UACA: variants seen among roughly 807,000 people sequenced by gnomAD.
UACA encodes uveal autoantigen with coiled-coil domains and ankyrin repeats.
In UACA, 112 loss-of-function variants were observed where a neutral mutation model predicts 160.5. The ratio of observed to expected loss-of-function variants is 0.70; its 90% CI spans 0.60 to 0.82. The LOEUF (loss-of-function observed/expected upper bound fraction) is 0.82. Among genes scored for constraint, UACA ranks in the 40% least tolerant of loss-of-function variants. The pLI is 0.00. For synonymous variants in UACA, 557 were observed against 568.4 expected (o/e 0.98, Z 0.29); for missense variants, 1,574 against 1,614.6 (o/e 0.97, Z 0.43).
At chr15:70,700,316 T>TACACACACACAC (rs1445933630) in intron 1 of UACA, among the ~76,000 whole-genome samples, 100 of 142,644 alleles carry the variant, frequency 7.0e-4, no homozygotes, top group African/African-American at 2.8e-3. Context: ...TATATATATA[T>TACACACACACAC]ATACACACAC....
chr15:70,674,514 A>G (rs1167995984), intron 13 of UACA, among the ~76,000 whole-genome samples: 1 of 152,234 alleles, frequency 6.6e-6, no homozygotes, highest in African/African-American at 2.4e-5. Context: ...TATTTTTATA[A>G]GAAAAATAAG....
chr15:70,772,981 C>T, the UACA span, among the ~76,000 whole-genome samples: 6 of 150,626 alleles, frequency 4.0e-5, no homozygotes, highest in Admixed American at 2.0e-4. Flanking sequence ...CCCAGCTACT[C>T]GGAACGCTGA....
rs1896922607 is a variant in UACA, at chr15:70,666,770, C to T, written c.3914G>A (p.Arg1305Lys). 1 of 1,609,724 alleles carries T rather than the reference C, an allele frequency of 6.2e-7. No homozygotes were observed. The highest frequency in any genetic ancestry group is 2.2e-5 in the East Asian group (1 of 44,840). ...TTGTTTAGCAGATTCTTGTATTCTT[C>T]TTTGTAACTCTGTGATTGTTGTTAA... Reference protein sequence around the residue: ...KSLTTITELQRRIQESAKQIE... With the variant: ...KSLTTITELQKRIQESAKQIE... Residue 1305 changes from arginine (R) to lysine (K), a missense_variant, in exon 16 of 19, where the codon AGA (arginine) becomes AAA (lysine). By Grantham distance (26) the Arg-to-Lys change is conservative. Coordinates refer to ENST00000322954, the MANE Select transcript of UACA (RefSeq NM_018003.4).
intron 1 of UACA, among the ~76,000 whole-genome samples, chr15:70,703,766 C>T (rs1431255786): frequency 6.6e-6 from 1 of 152,212 alleles, no homozygotes; most frequent in African/African-American, 2.4e-5. Context: ...CCTCCCCAGC[C>T]TCTGTGGCTT....
chr15:70,676,384 C>A, intron 13 of UACA, 109 bp downstream of exon 13: 1 of 833,898 alleles, frequency 1.2e-6, no homozygotes, highest in African/African-American at 1.7e-5. Context: ...AATAAGCAGC[C>A]CAAGGTCACA....
intron 1 of UACA, among the ~76,000 whole-genome samples, chr15:70,727,241 C>T (rs369368529): frequency 2.0e-5 from 3 of 152,152 alleles, no homozygotes; most frequent in East Asian, 1.9e-4. Context: ...CATTCCTCTT[C>T]CCTGGCATAT....
At chr15:70,696,502 G>A (rs1239061021) in intron 2 of UACA, among the ~76,000 whole-genome samples, 6 of 152,106 alleles carry the variant, frequency 3.9e-5, no homozygotes, top group Non-Finnish European at 8.8e-5. Flanking sequence ...TCAGTCTTGC[G>A]ACGCTATTAG....
At chr15:70,725,721 G>A (rs1045946926) in intron 1 of UACA, among the ~76,000 whole-genome samples, 1 of 152,126 alleles carries the variant, frequency 6.6e-6, no homozygotes, top group Non-Finnish European at 1.5e-5. Flanking sequence ...CAAGAGTGGG[G>A]ATACAAATGT....
intron 13 of UACA, among the ~76,000 whole-genome samples, chr15:70,674,941 G>T (rs1037763957): frequency 6.6e-6 from 1 of 152,128 alleles, no homozygotes; most frequent in African/African-American, 2.4e-5. Context: ...GCTCCTAGAA[G>T]AAATACATAC....
At chr15:70,699,709 G>C in intron 1 of UACA, 49 bp from the exon 2 acceptor site, 1 of 1,583,690 alleles carries the variant, frequency 6.3e-7, no homozygotes, top group Non-Finnish European at 8.6e-7. Context: ...CATTAGTTAA[G>C]ATTTTTCTAA....
intron 9 of UACA, among the ~76,000 whole-genome samples, chr15:70,680,499 G>A (rs1221654264): frequency 6.6e-6 from 1 of 152,032 alleles, no homozygotes; most frequent in Admixed American, 6.6e-5. Context: ...AAATGAGTTT[G>A]GATCTAGAAC....
intron 1 of UACA, among the ~76,000 whole-genome samples, chr15:70,701,235 T>C (rs1898350670): frequency 6.6e-6 from 1 of 152,190 alleles, no homozygotes; most frequent in South Asian, 2.1e-4. Context: ...CTGCCAACTA[T>C]GAGTACAGAA....
At chr15:70,683,459 C>G (rs138738748) in intron 8 of UACA, among the ~76,000 whole-genome samples, 50 of 152,236 alleles carry the variant, frequency 3.3e-4, no homozygotes, top group African/African-American at 1.2e-3. Context: ...CCCTGAAACT[C>G]AGTGATTCAA....
Position 70,654,604 on chromosome 15 carries a change from C to G in UACA, c.*2452G>C, listed in dbSNP as rs1175446538. The G allele has an allele frequency of 6.6e-6, 1 of 151,910 alleles. No homozygotes were observed. Among genetic ancestry groups the G allele is most frequent in the African/African-American group, 2.4e-5 (1 of 41,340 alleles). 9.4% of individuals were successfully genotyped at this position (151,910 alleles called of 1,614,324 possible). On this transcript the variant is annotated 3_prime_UTR_variant, in exon 19 of 19. Coordinates refer to ENST00000322954, the MANE Select transcript of UACA (RefSeq NM_018003.4). The stretch of plus-strand genomic sequence containing the variant: ...TTTCAAAAGACAATTATTTATAACA[C>G]TGACCCTCTATCAAAAAGAATATGC...
intron 15 of UACA, among the ~76,000 whole-genome samples, chr15:70,670,434 C>A (rs748746883): frequency 2.2e-4 from 33 of 152,270 alleles, no homozygotes; most frequent in Admixed American, 8.5e-4. Context: ...GTACTGGGAT[C>A]TCTCAAGCCG....
the UACA span, among the ~76,000 whole-genome samples, chr15:70,769,390 A>T: frequency 2.0e-5 from 3 of 150,400 alleles, no homozygotes; most frequent in Non-Finnish European, 4.4e-5. Context: ...TGTACTTGGG[A>T]AATGACCCGA....
intron 1 of UACA, among the ~76,000 whole-genome samples, chr15:70,749,698 CAAAAAA>C (rs11292883): frequency 0.038 from 2,673 of 70,106 alleles, 126 homozygotes; most frequent in African/African-American, 0.13. Context: ...GACTCCGTCT[CAAAAAA>C]AAAAAAAAAA....
At chr15:70,671,263 A>G in intron 14 of UACA, 172 bp from the exon 15 acceptor site, 1 of 470,092 alleles carries the variant, frequency 2.1e-6, no homozygotes, top group Non-Finnish European at 3.8e-6. Context: ...TTCTATAAAC[A>G]GAAGTACCTA....
At chr15:70,704,979 T>C (rs147548598) in intron 1 of UACA, among the ~76,000 whole-genome samples, 2 of 152,288 alleles carry the variant, frequency 1.3e-5, no homozygotes, top group South Asian at 2.1e-4. Context: ...GGTTACAGGA[T>C]GGCGTTTGTC....
Sources: allele counts gnomAD v4.1 joint callset (sites outside exome capture counted in the v4.1 genomes callset), GRCh38; gene constraint gnomAD v4.1.1; transcripts MANE v1.5; gene names NCBI Gene and HGNC (gene_info 2026-07-23, HGNC 2026-07-21).